LRRC63: variants seen among roughly 807,000 people sequenced by gnomAD.
LRRC63 encodes leucine rich repeat containing 63.
Under a neutral mutation model 49.5 loss-of-function variants are expected in LRRC63, and 40 were observed. The observed-to-expected ratio is 0.81, with a 90% CI of 0.63 to 1.05. LRRC63 has a LOEUF of 1.05. Ranked by LOEUF, LRRC63 falls within the 50% of genes least tolerant of loss-of-function variation. LRRC63 has a pLI of 0.00. For missense variants in LRRC63, 636 were observed against 663.1 expected (o/e 0.96, Z 0.45); for synonymous variants, 191 against 221.1 (o/e 0.86, Z 1.21).
At chr13:46,228,024 G>T in exon 3 of LRRC63, 1 of 1,551,126 alleles carries the variant, frequency 6.4e-7, no homozygotes, top group Non-Finnish European at 8.7e-7. Flanking sequence ...AAGTGCAACA[G>T]TGCCAAGCCC....
At chr13:46,240,419 G>A (rs767469744) in intron 5 of LRRC63, among the ~76,000 whole-genome samples, 5 of 152,006 alleles carry the variant, frequency 3.3e-5, no homozygotes, top group South Asian at 4.2e-4. Flanking sequence ...GAGCCACCGC[G>A]CCCGGCCAAG....
At chr13:46,248,774 A>G (rs755919962) in intron 6 of LRRC63, among the ~76,000 whole-genome samples, 1 of 151,914 alleles carries the variant, frequency 6.6e-6, no homozygotes, top group African/African-American at 2.4e-5. Flanking sequence ...CTATAAACCA[A>G]TTAGACCTAA....
intron 8 of LRRC63, among the ~76,000 whole-genome samples, chr13:46,263,011 T>C (rs567543382): frequency 1.2e-4 from 18 of 152,302 alleles, no homozygotes; most frequent in African/African-American, 3.8e-4. Context: ...TATGTGACAA[T>C]CTCTATATTT....
chr13:46,264,926 G>A (rs1303302365), intron 8 of LRRC63, among the ~76,000 whole-genome samples: 2 of 152,180 alleles, frequency 1.3e-5, no homozygotes, highest in Non-Finnish European at 2.9e-5. Flanking sequence ...GGAGGCCGAG[G>A]AGGGTGTATT....
intron 7 of LRRC63, among the ~76,000 whole-genome samples, chr13:46,255,680 T>C (rs1275477574): frequency 7.3e-6 from 1 of 136,662 alleles, no homozygotes; most frequent in Admixed American, 7.9e-5. Context: ...ATTAGTAACC[T>C]CAATGCTTTC....
chr13:46,229,954 C>A (rs530253420), intron 4 of LRRC63, among the ~76,000 whole-genome samples: 2 of 152,066 alleles, frequency 1.3e-5, no homozygotes, highest in African/African-American at 4.8e-5. Context: ...AGAGCGGGAG[C>A]AAGAGAGAGA....
chr13:46,246,502 CT>C, intron 5 of LRRC63, 24 bp from the exon 6 acceptor site: 2 of 1,244,440 alleles, frequency 1.6e-6, no homozygotes, highest in Non-Finnish European at 2.1e-6. Context: ...TGATTAACAC[CT>C]TATCTCTTGT....
intron 8 of LRRC63, 22 bp from the exon 9 acceptor site, chr13:46,266,711 G>A (rs1201486250): frequency 1.3e-6 from 2 of 1,511,730 alleles, no homozygotes; most frequent in Non-Finnish European, 8.8e-7. Context: ...ACCTTTTAAA[G>A]TGTGGTTTCC....
At chr13:46,259,133 A>G (rs2047573705) in intron 7 of LRRC63, among the ~76,000 whole-genome samples, 1 of 152,170 alleles carries the variant, frequency 6.6e-6, no homozygotes, top group African/African-American at 2.4e-5. Flanking sequence ...GGGGCCTCCT[A>G]TTAGTGGCCA....
intron 2 of LRRC63, among the ~76,000 whole-genome samples, chr13:46,224,771 A>G (rs756538474): frequency 6.6e-6 from 1 of 152,198 alleles, no homozygotes; most frequent in Non-Finnish European, 1.5e-5. Flanking sequence ...TGGGTAGGGC[A>G]CTTTGGCTTT....
intron 7 of LRRC63, 122 bp from the exon 8 acceptor site, chr13:46,261,787 A>G: frequency 2.8e-6 from 1 of 356,890 alleles, no homozygotes; most frequent in Non-Finnish European, 5.1e-6. Context: ...AAAGAAGTCC[A>G]TATAAATTTC....
intron 5 of LRRC63, among the ~76,000 whole-genome samples, chr13:46,235,975 A>G (rs1057067993): frequency 2.6e-5 from 4 of 152,154 alleles, no homozygotes; most frequent in Non-Finnish European, 4.4e-5. Flanking sequence ...AAAAGAAAAA[A>G]CACAAAACAA....
exon 10 of LRRC63, chr13:46,276,828 G>GTGTGTATATATATATATATATA (rs1175818781): frequency 1.8e-4 from 25 of 138,524 alleles, no homozygotes; most frequent in African/African-American, 8.3e-4. Flanking sequence ...GTATGTGTGT[G>GTGTGTATATATATATATATATA]TATATATATA....
At chr13:46,222,654 G>A (rs906072949) in intron 2 of LRRC63, among the ~76,000 whole-genome samples, 4 of 151,844 alleles carry the variant, frequency 2.6e-5, no homozygotes, top group Non-Finnish European at 4.4e-5. Flanking sequence ...TCAGTGTGGC[G>A]ATTCCTCAGG....
chr13:46,253,017 G>A (rs754028096), intron 7 of LRRC63, among the ~76,000 whole-genome samples: 8 of 152,162 alleles, frequency 5.3e-5, no homozygotes, highest in Non-Finnish European at 1.0e-4. Flanking sequence ...GTGGAGGATG[G>A]ATGTGAGGGG....
intron 9 of LRRC63, among the ~76,000 whole-genome samples, 170 bp from the exon 10 acceptor site, chr13:46,276,420 T>C (rs2047837915): frequency 6.6e-6 from 1 of 152,184 alleles, no homozygotes; most frequent in South Asian, 2.1e-4. Flanking sequence ...ATACCTACTT[T>C]ATTGTTCAGC....
intron 9 of LRRC63, chr13:46,270,358 A>T: frequency 1.2e-6 from 1 of 867,100 alleles, no homozygotes; most frequent in Non-Finnish European, 2.0e-6. Flanking sequence ...TTCTAACAGA[A>T]CTTGCACCTC....
Position 46,258,419 on chromosome 13 carries a change from G to A in LRRC63, c.1227-3490G>A, listed in dbSNP as rs144167139. Among the ~76,000 whole-genome samples, 975 of 149,814 alleles carry A rather than the reference G, an allele frequency of 6.5e-3. 12 individuals carry two copies. Among genetic ancestry groups the A allele is most frequent in the African/African-American group, 0.022 (914 of 40,922 alleles). ...GCTGGGATTACAGGCGTGAGCCCCC[G>A]CACCCAGCCCTGACCTACTCTTAAC... On this transcript the variant is annotated intron_variant, in intron 7 of 9. Transcript: ENST00000595396.
rs145502620 is a variant in LRRC63 at position 46,228,366 on chromosome 13, G to A, written c.763+177G>A. On this transcript the variant is annotated intron_variant, in intron 3 of 9. Transcript: ENST00000595396. ...GGGCAATAACAGAAGTCCTGACCTT[G>A]CAGATCTGCCAAGGCCAGACTGGGT... Among the ~76,000 whole-genome samples the A allele has an allele frequency of 2.4e-3, 372 of 152,322 alleles. 2 individuals are homozygous for A. Among genetic ancestry groups the A allele is most frequent in the African/African-American group, 8.6e-3 (359 of 41,558 alleles).
Sources: allele counts gnomAD v4.1 joint callset (sites outside exome capture counted in the v4.1 genomes callset), GRCh38; gene constraint gnomAD v4.1.1; transcripts MANE v1.5; gene names NCBI Gene and HGNC (gene_info 2026-07-23, HGNC 2026-07-21).